The following CDH2 variants were observed in gnomAD, a reference collection of about 807,000 sequenced individuals.
CDH2 encodes cadherin 2, also known as cadherin-2.
A neutral mutation model predicts 92.0 loss-of-function variants in CDH2; 17 were observed. That is an observed-to-expected ratio of 0.18 (90% CI 0.13 to 0.28). CDH2 has a LOEUF of 0.28. CDH2 is among the 10% of genes least tolerant of loss of function. The pLI, the probability that CDH2 is intolerant of heterozygous loss-of-function variation, is 1.00. For synonymous variants in CDH2, 419 were observed against 415.9 expected (o/e 1.01, Z -0.09); for missense variants, 862 against 1,133.1 (o/e 0.76, Z 3.44).
chr18:28,025,501 G>C lies in CDH2; in HGVS notation c.173-11592C>G, dbSNP rs1358959088. On this transcript the variant is annotated intron_variant, in intron 2 of 15. Transcript: ENST00000269141. ...CCACTGAACTCCAACCTGGGTGACA[G>C]AGCGAGACTGTCTCCAGAAAAAAAA... 6.6e-5 allele frequency among the ~76,000 whole-genome samples: 10 copies of C among 151,280 alleles called. No individual in the cohort carries two copies. In the East Asian group the frequency reaches 1.9e-3, roughly 29 times the overall value.
In CDH2 at chr18:28,013,902, A is replaced by G. The variant is rs2013169251; in HGVS notation, c.180T>C (p.Phe60=). The stretch of plus-strand genomic sequence containing the variant: ...CTTTTCTTTTTCCATTGCAGTTGCT[A>G]AACTTCACTGTAAAAGATAAGAAAT... ...HEGQPLLNVK[F]SNCNGKRKVQ... Residue 60 remains phenylalanine (F), a synonymous_variant, in exon 3 of 16, where the codon TTT becomes TTC. Coordinates refer to ENST00000269141, the MANE Select transcript of CDH2 (RefSeq NM_001792.5). 1 of 1,610,794 alleles carries G rather than the reference A, an allele frequency of 6.2e-7. No individual in the cohort carries two copies. Among genetic ancestry groups the G allele is most frequent in the Non-Finnish European group, 8.5e-7 (1 of 1,178,942 alleles).
intron 2 of CDH2, among the ~76,000 whole-genome samples, chr18:28,061,521 T>G (rs1010571025): frequency 4.6e-5 from 7 of 152,156 alleles, no homozygotes; most frequent in African/African-American, 1.7e-4. Flanking sequence ...GGCATGTGCC[T>G]ATAACCTCAG....
intron 7 of CDH2, 37 bp downstream of exon 7, chr18:28,002,960 T>A (rs1207834306): frequency 6.3e-7 from 1 of 1,590,810 alleles, no homozygotes; most frequent in Non-Finnish European, 8.6e-7. Context: ...CCTTTAAGAT[T>A]AAAAACAAAC....
chr18:27,974,273 C>G (rs372879485), intron 14 of CDH2, among the ~76,000 whole-genome samples: 4 of 152,234 alleles, frequency 2.6e-5, no homozygotes, highest in African/African-American at 9.6e-5. Context: ...TAACATATAT[C>G]AAGAAAGCTG....
chr18:27,948,164 A>G (rs55793309), downstream of CDH2, among the ~76,000 whole-genome samples: 1 of 150,860 alleles, frequency 6.6e-6, no homozygotes, highest in African/African-American at 2.4e-5. Flanking sequence ...TATACGGTAA[A>G]GAATGCATTC....
intron 2 of CDH2, among the ~76,000 whole-genome samples, chr18:28,047,725 C>CG (rs2014105945): frequency 6.6e-6 from 1 of 151,694 alleles, no homozygotes; most frequent in Non-Finnish European, 1.5e-5. Flanking sequence ...AAAAATTAGC[C>CG]GGGCGTGGTG....
intron 1 of CDH2, 35 bp downstream of exon 1, chr18:28,176,928 C>G: frequency 4.9e-6 from 6 of 1,226,796 alleles, no homozygotes; most frequent in Non-Finnish European, 5.1e-6. Flanking sequence ...CGCCCCACCC[C>G]GCCCGTGGCC....
intron 2 of CDH2, among the ~76,000 whole-genome samples, chr18:28,044,672 T>TTTCC (rs2014035001): frequency 1.3e-5 from 2 of 152,166 alleles, no homozygotes; most frequent in Non-Finnish European, 2.9e-5. Flanking sequence ...CAGTGAACAT[T>TTTCC]ATTTTAACAG....
chr18:27,985,960 T>G (rs1411631460), intron 11 of CDH2, among the ~76,000 whole-genome samples, 199 bp from the exon 12 acceptor site: 2 of 152,136 alleles, frequency 1.3e-5, no homozygotes, highest in East Asian at 3.9e-4. Context: ...GACCCTGAGC[T>G]GCCACTGCTG....
chr18:28,135,840 C>T (rs1180737775), intron 2 of CDH2, among the ~76,000 whole-genome samples: 2 of 152,130 alleles, frequency 1.3e-5, no homozygotes, highest in African/African-American at 4.8e-5. Flanking sequence ...GCCTTGAAAA[C>T]CATGCAGAAA....
intron 6 of CDH2, among the ~76,000 whole-genome samples, chr18:28,004,469 T>C (rs1181594959): frequency 6.6e-6 from 1 of 152,258 alleles, no homozygotes; most frequent in Non-Finnish European, 1.5e-5. Context: ...ACAATATGTC[T>C]ACTTCTAGCA....
intron 2 of CDH2, among the ~76,000 whole-genome samples, chr18:28,056,148 T>C (rs1177645816): frequency 6.6e-6 from 1 of 151,948 alleles, no homozygotes; most frequent in Non-Finnish European, 1.5e-5. Flanking sequence ...GAGAAAGAAG[T>C]ATAAGGCCAA....
chr18:28,037,151 C>T (rs2013849133), intron 2 of CDH2, among the ~76,000 whole-genome samples: 1 of 151,806 alleles, frequency 6.6e-6, no homozygotes, highest in African/African-American at 2.4e-5. Context: ...GATTAAATGT[C>T]AAAAAAAGTG....
intron 1 of CDH2, among the ~76,000 whole-genome samples, chr18:28,166,463 T>A (rs1220247447): frequency 6.6e-6 from 1 of 151,926 alleles, no homozygotes; most frequent in African/African-American, 2.4e-5. Flanking sequence ...GGTACTTAAT[T>A]CTAAATCAAT....
chr18:27,980,522 G>A (rs1378612752), intron 14 of CDH2, among the ~76,000 whole-genome samples: 1 of 152,068 alleles, frequency 6.6e-6, no homozygotes, highest in Non-Finnish European at 1.5e-5. Context: ...ATTCTGTTAT[G>A]AGGTTAAAAA....
intron 3 of CDH2, among the ~76,000 whole-genome samples, chr18:28,013,055 GTATTT>G (rs992521798): frequency 6.6e-6 from 1 of 152,128 alleles, no homozygotes; most frequent in Non-Finnish European, 1.5e-5. Context: ...TGAAGTTACT[GTATTT>G]TATTTAAAAT....
chr18:27,981,415 T>C (rs1340133130), intron 14 of CDH2, among the ~76,000 whole-genome samples: 3 of 152,228 alleles, frequency 2.0e-5, no homozygotes, highest in Non-Finnish European at 2.9e-5. Flanking sequence ...AGAGCCACTT[T>C]AATTAGGCAG....
chr18:28,155,224 A>G (rs983339831), intron 1 of CDH2, among the ~76,000 whole-genome samples: 1 of 152,140 alleles, frequency 6.6e-6, no homozygotes, highest in African/African-American at 2.4e-5. Context: ...TACCTGTGTG[A>G]CCTTGGCAAG....
chr18:28,027,845 TG>T (rs1417156400), intron 2 of CDH2, among the ~76,000 whole-genome samples: 3 of 115,802 alleles, frequency 2.6e-5, no homozygotes, highest in African/African-American at 6.7e-5. Flanking sequence ...AGTTTTGTTT[TG>T]TTTTTTTTTT....
Sources: allele counts gnomAD v4.1 joint callset (sites outside exome capture counted in the v4.1 genomes callset), GRCh38; gene constraint gnomAD v4.1.1; transcripts MANE v1.5; gene names NCBI Gene and HGNC (gene_info 2026-07-23, HGNC 2026-07-21).